Variants in BCL11A observed in about 807,000 individuals in gnomAD.
BCL11A encodes the protein B cell CLL/lymphoma 11A.
Under a neutral mutation model 55.9 loss-of-function variants are expected in BCL11A, and 2 were observed. The observed-to-expected ratio is 0.04, with a 90% CI of 0.01 to 0.11. The LOEUF is 0.11. Among genes scored for constraint, BCL11A ranks in the 10% least tolerant of loss-of-function variants. BCL11A has a pLI of 1.00. For synonymous variants in BCL11A, 465 were observed against 473.4 expected, an observed-to-expected ratio of 0.98 and a Z score of 0.23; for missense variants, 817 against 1,137.1, an observed-to-expected ratio of 0.72 and a Z score of 4.05.
intron 2 of BCL11A, chr2:60,527,380 A>G (rs891533129): frequency 1.3e-5 from 2 of 152,236 alleles, no homozygotes; most frequent in Admixed American, 1.3e-4. Flanking sequence ...GTGACAAGGG[A>G]GAACCACTAC....
intron 2 of BCL11A, among the ~76,000 whole-genome samples, chr2:60,488,202 G>A (rs1218008256): frequency 1.3e-5 from 2 of 152,150 alleles, no homozygotes; most frequent in African/African-American, 4.8e-5. Context: ...GAGTGAATCT[G>A]ACTATTTCAT....
At chr2:60,539,922 C>T (rs1026416366) in intron 2 of BCL11A, among the ~76,000 whole-genome samples, 1 of 152,020 alleles carries the variant, frequency 6.6e-6, no homozygotes, top group Non-Finnish European at 1.5e-5. Context: ...TTAAGGATGC[C>T]CATTTACCTA....
At chr2:60,521,099 A>T (rs56167920) in intron 2 of BCL11A, among the ~76,000 whole-genome samples, 15 of 76,280 alleles carry the variant, frequency 2.0e-4, no homozygotes, top group Middle Eastern at 0.012. Context: ...ACACACACAC[A>T]CTCACACACA....
chr2:60,459,200 A>C lies in BCL11A; in HGVS notation c.*1204T>G. 2.0e-6 allele frequency: 2 copies of C among 1,021,934 alleles called. No individual in the cohort carries two copies. Among genetic ancestry groups the C allele is most frequent in the Non-Finnish European group, 2.3e-6 (2 of 851,232 alleles). The allele number at this position is 1,021,934 out of a possible 1,614,324, so 63.3% of individuals were successfully genotyped here. ...CCTCTTCCTTTCAATATGGTATACAAGGTCTTAAAGTTTATCATTTGATTG... is the reference window on the plus strand; with the variant it reads ...CCTCTTCCTTTCAATATGGTATACACGGTCTTAAAGTTTATCATTTGATTG... On this transcript the variant is annotated 3_prime_UTR_variant, in exon 4 of 4. Transcript: ENST00000642384.
At chr2:60,545,379 G>A (rs539307898) in intron 2 of BCL11A, 17 of 153,132 alleles carry the variant, frequency 1.1e-4, no homozygotes, top group East Asian at 1.9e-4. Context: ...ATCCCACCAC[G>A]GGGCTGTGTT....
At chr2:60,524,690 T>C (rs1265469988) in intron 2 of BCL11A, 1 of 152,200 alleles carries the variant, frequency 6.6e-6, no homozygotes, top group Non-Finnish European at 1.5e-5. Flanking sequence ...GGAACACATA[T>C]TTCACAACTG....
intron 2 of BCL11A, among the ~76,000 whole-genome samples, chr2:60,483,526 T>C (rs1391863804): frequency 1.3e-5 from 2 of 152,222 alleles, no homozygotes; most frequent in Non-Finnish European, 2.9e-5. Flanking sequence ...TCAACTGCTG[T>C]CTATGTCATG....
chr2:60,492,673 A>G (rs1185881483), intron 2 of BCL11A, among the ~76,000 whole-genome samples: 1 of 152,026 alleles, frequency 6.6e-6, no homozygotes, highest in Non-Finnish European at 1.5e-5. Flanking sequence ...AAATCTCAGA[A>G]TACAAAGGGC....
chr2:60,523,229 A>C (rs1669069885), intron 2 of BCL11A, among the ~76,000 whole-genome samples: 1 of 152,234 alleles, frequency 6.6e-6, no homozygotes, highest in Admixed American at 6.5e-5. Context: ...TAGAGAAAGA[A>C]TAAACACCAG....
At position 60,457,745 on chromosome 2, in the gene BCL11A, G is replaced by A; in HGVS notation, c.*2659C>T. On this transcript the variant is annotated 3_prime_UTR_variant, in exon 4 of 4. Coordinates refer to ENST00000642384, the MANE Select transcript of BCL11A (RefSeq NM_022893.4). ...AAGGTAAGATGCTGGAATGTAGGGTGATAGAAGGAAAGGGACAAAAAGCAC... is the reference window on the plus strand; with the variant it reads ...AAGGTAAGATGCTGGAATGTAGGGTAATAGAAGGAAAGGGACAAAAAGCAC... The A allele has an allele frequency of 9.7e-7, 1 of 1,031,506 alleles. No individual in the cohort carries two copies. The highest frequency in any genetic ancestry group is 1.2e-6 in the Non-Finnish European group (1 of 859,110). The allele number at this position is 1,031,506 out of a possible 1,614,324, so 63.9% of individuals were successfully genotyped here.
intron 2 of BCL11A, among the ~76,000 whole-genome samples, chr2:60,477,711 C>A (rs1177702285): frequency 6.6e-6 from 1 of 152,176 alleles, no homozygotes; most frequent in Admixed American, 6.5e-5. Flanking sequence ...CTGTGAGAGA[C>A]AAGGGAGTGG....
Position 60,458,048 on chromosome 2 carries a change from T to A in BCL11A, c.*2356A>T, listed in dbSNP as rs1288401589. The A allele has an allele frequency of 1.9e-6, 2 of 1,031,342 alleles. No individual in the cohort carries two copies. Among genetic ancestry groups the A allele is most frequent in the Non-Finnish European group, 2.3e-6 (2 of 857,748 alleles). The allele number at this position is 1,031,342 out of a possible 1,614,324, so 63.9% of individuals were successfully genotyped here. ...GGCAGCCTGTCTTTTTTTTTTCCAC[T>A]ACCAAAAAAGGTACATTGATACCTT... On this transcript the variant is annotated 3_prime_UTR_variant, in exon 4 of 4. Coordinates refer to ENST00000642384, the MANE Select transcript of BCL11A (RefSeq NM_022893.4).
At chr2:60,550,349 A>G (rs1321146319) in intron 1 of BCL11A, among the ~76,000 whole-genome samples, 1 of 152,120 alleles carries the variant, frequency 6.6e-6, no homozygotes. Context: ...AAGAACAAAG[A>G]CATACGGGGT....
At chr2:60,452,257 C>T (rs1572938202), downstream of BCL11A, 1 of 280,280 alleles carries the variant, frequency 3.6e-6, no homozygotes, top group East Asian at 5.3e-5. Flanking sequence ...CGCATTTCCA[C>T]AATACAGGTA....
intron 2 of BCL11A, among the ~76,000 whole-genome samples, chr2:60,541,022 T>C (rs533762136): frequency 6.6e-6 from 1 of 150,926 alleles, no homozygotes. Context: ...TTTTTAAGCT[T>C]TCACAGAATA....
At chr2:60,495,755 C>T (rs1308233476) in intron 2 of BCL11A, 1 of 152,200 alleles carries the variant, frequency 6.6e-6, no homozygotes, top group African/African-American at 2.4e-5. Flanking sequence ...AGCACATACA[C>T]ACAAAAGGTA....
At chr2:60,538,896 T>C (rs1451146051) in intron 2 of BCL11A, among the ~76,000 whole-genome samples, 1 of 152,134 alleles carries the variant, frequency 6.6e-6, no homozygotes, top group African/African-American at 2.4e-5. Context: ...TTTAAAATTT[T>C]AAATATTCAA....
rs1679266850 is a variant in BCL11A at position 60,501,372 on chromosome 2, T to TG, written c.386-32540dup. Among the ~76,000 whole-genome samples the TG allele has an allele frequency of 2.0e-5, 3 of 152,252 alleles. No individual in the cohort carries two copies. In the South Asian group the frequency reaches 6.2e-4, roughly 32 times the overall value. On this transcript the variant is annotated intron_variant, in intron 2 of 3. Coordinates refer to ENST00000642384, the MANE Select transcript of BCL11A (RefSeq NM_022893.4). ...AGTGTCACAGGAAGCCATGGTCCTT[T>TG]GGGGGAAATGAAGAACACTCTTGTA...
chr2:60,464,491 C>T (rs1676491658), intron 3 of BCL11A, among the ~76,000 whole-genome samples: 1 of 152,178 alleles, frequency 6.6e-6, no homozygotes, highest in Non-Finnish European at 1.5e-5. Flanking sequence ...ACTATCATTC[C>T]TATTTAGCCT....
Sources: allele counts gnomAD v4.1 joint callset (sites outside exome capture counted in the v4.1 genomes callset), GRCh38; gene constraint gnomAD v4.1.1; transcripts MANE v1.5; gene names NCBI Gene and HGNC (gene_info 2026-07-23, HGNC 2026-07-21).